The following CRTAC1 variants were observed in gnomAD, a reference collection of about 807,000 sequenced individuals.
CRTAC1 encodes the protein cartilage acidic protein 1.
Under a neutral mutation model 67.8 loss-of-function variants are expected in CRTAC1, and 37 were observed. The ratio of observed to expected loss-of-function variants is 0.55; its 90% confidence interval spans 0.42 to 0.72. CRTAC1 has a LOEUF of 0.72. Among genes scored for constraint, CRTAC1 ranks in the 30% least tolerant of loss-of-function variants. The pLI is 0.00. For missense variants in CRTAC1, 780 were observed against 931.6 expected, an observed-to-expected ratio of 0.84 and a Z score of 2.12; for synonymous variants, 348 against 371.0, an observed-to-expected ratio of 0.94 and a Z score of 0.71.
At chr10:97,993,872 T>C (rs886687461) in intron 2 of CRTAC1, among the ~76,000 whole-genome samples, 1 of 152,198 alleles carries the variant, frequency 6.6e-6, no homozygotes, top group Non-Finnish European at 1.5e-5. Context: ...CTCTTTTTTT[T>C]TGAGACAGAG....
intron 11 of CRTAC1, among the ~76,000 whole-genome samples, chr10:97,889,373 T>C (rs959603953): frequency 6.7e-5 from 10 of 149,850 alleles, no homozygotes; most frequent in African/African-American, 2.0e-4. Context: ...TAAGCAGAAA[T>C]GCTTATTTTC....
chr10:97,935,470 G>C (rs1028977318), intron 3 of CRTAC1, among the ~76,000 whole-genome samples: 1 of 152,154 alleles, frequency 6.6e-6, no homozygotes. Context: ...CATAGCCTGG[G>C]AGCGGGTCAG....
Position 97,908,558 on chromosome 10 carries a change from G to T in CRTAC1, c.716-411C>A, listed in dbSNP as rs560531978. ...CTCACTTTGAGTGATACATATGCTG[G>T]TCAAGACCACTGGGTATGTCCCAGC... On this transcript the variant is annotated intron_variant, in intron 5 of 14. Transcript: ENST00000370597. Among the ~76,000 whole-genome samples, 3 of 152,328 alleles carry T rather than the reference G, an allele frequency of 2.0e-5. No individual in the cohort carries two copies. The East Asian group carries it at 5.8e-4, about 29-fold the overall frequency.
chr10:97,926,248 A>G (rs2050915862), intron 3 of CRTAC1, among the ~76,000 whole-genome samples: 1 of 152,188 alleles, frequency 6.6e-6, no homozygotes, highest in Non-Finnish European at 1.5e-5. Flanking sequence ...TCACCCTGAG[A>G]AAAGCACAGG....
intron 9 of CRTAC1, 68 bp downstream of exon 9, chr10:97,896,829 CCCGTCCCTCCCG>C: frequency 1.7e-6 from 1 of 592,210 alleles, no homozygotes; most frequent in Non-Finnish European, 3.0e-6. Context: ...GACTGGCTGC[CCCGTCCCTCCCG>C]CCCTCACCCC....
At chr10:98,017,625 C>T (rs1297032301) in intron 1 of CRTAC1, among the ~76,000 whole-genome samples, 1 of 151,952 alleles carries the variant, frequency 6.6e-6, no homozygotes, top group East Asian at 1.9e-4. Context: ...TCTCAAACTC[C>T]TGGGCTCAAG....
In CRTAC1 at chr10:98,011,131, C is replaced by A. The variant is rs1200961352; in HGVS notation, c.224+7G>T. On this transcript the variant is annotated splice_region_variant and intron_variant, in intron 2 of 14. Coordinates refer to ENST00000370597, the MANE Select transcript of CRTAC1 (RefSeq NM_018058.7). ...TATCTGTCACACTGAGGGTGGGAGG[C>A]ACTTACCCCGCCACGACGATCTCAA... 6.2e-7 allele frequency: 1 copy of A among 1,612,980 alleles called. No individual in the cohort carries two copies. The highest frequency in any genetic ancestry group is 1.1e-5 in the South Asian group (1 of 91,058).
intron 2 of CRTAC1, among the ~76,000 whole-genome samples, chr10:97,970,592 C>T (rs183283101): frequency 4.6e-5 from 7 of 152,334 alleles, no homozygotes; most frequent in East Asian, 1.9e-4. Flanking sequence ...CTCCCTCCCT[C>T]GGGTTGCCTC....
At chr10:97,892,030 T>C (rs898900214) in intron 11 of CRTAC1, among the ~76,000 whole-genome samples, 6 of 152,062 alleles carry the variant, frequency 3.9e-5, no homozygotes, top group South Asian at 2.1e-4. Flanking sequence ...CAAGAACAAA[T>C]CCCAGGGCCT....
intron 14 of CRTAC1, chr10:97,871,102 G>C (rs1302511518): frequency 6.6e-6 from 1 of 152,154 alleles, no homozygotes; most frequent in Non-Finnish European, 1.5e-5. Context: ...GAGCCTTCTC[G>C]GGCGACTTCT....
In CRTAC1 at chr10:97,919,228, A is replaced by G. The variant is rs190282522; in HGVS notation, c.559-1572T>C. 1.5e-3 allele frequency among the ~76,000 whole-genome samples: 234 copies of G among 152,312 alleles called. 1 individual carries two copies. The highest frequency in any genetic ancestry group is 5.6e-3 in the African/African-American group (231 of 41,560). ...CCTGGGTGACACAGATGTATCAACAATGATACAAGCATATGGCAGAGAACA... is the reference window on the plus strand; with the variant it reads ...CCTGGGTGACACAGATGTATCAACAGTGATACAAGCATATGGCAGAGAACA... On this transcript the variant is annotated intron_variant, in intron 4 of 14. Transcript: ENST00000370597.
chr10:97,929,593 C>G (rs1449249253), intron 3 of CRTAC1, among the ~76,000 whole-genome samples: 1 of 152,188 alleles, frequency 6.6e-6, no homozygotes. Context: ...AAGTAGCCAG[C>G]AACCCTCCCT....
At chr10:97,952,756 A>T (rs2051378582) in intron 2 of CRTAC1, among the ~76,000 whole-genome samples, 1 of 152,160 alleles carries the variant, frequency 6.6e-6, no homozygotes, top group Non-Finnish European at 1.5e-5. Flanking sequence ...TCTAGTACAA[A>T]AAAGACTTGC....
chr10:97,992,373 A>G (rs897461143), intron 2 of CRTAC1, among the ~76,000 whole-genome samples: 9 of 152,236 alleles, frequency 5.9e-5, no homozygotes, highest in African/African-American at 2.2e-4. Context: ...CTAATTATGG[A>G]AAACCGTATG....
At chr10:97,908,527 C>T (rs1426278254) in intron 5 of CRTAC1, among the ~76,000 whole-genome samples, 1 of 152,186 alleles carries the variant, frequency 6.6e-6, no homozygotes, top group Non-Finnish European at 1.5e-5. Flanking sequence ...CAACAGACTC[C>T]CGACTCTCAC....
At chr10:97,911,482 C>T (rs2050687646) in intron 5 of CRTAC1, among the ~76,000 whole-genome samples, 1 of 152,228 alleles carries the variant, frequency 6.6e-6, no homozygotes, top group South Asian at 2.1e-4. Flanking sequence ...ACCCACACCT[C>T]CTTCTCGGCA....
At chr10:97,959,205 G>A (rs186957032) in intron 2 of CRTAC1, among the ~76,000 whole-genome samples, 4 of 152,162 alleles carry the variant, frequency 2.6e-5, no homozygotes, top group East Asian at 3.9e-4. Context: ...TTCATTGGGA[G>A]GACACACAAA....
At chr10:98,021,583 A>G (rs1286962228) in intron 1 of CRTAC1, among the ~76,000 whole-genome samples, 1 of 152,214 alleles carries the variant, frequency 6.6e-6, no homozygotes, top group Non-Finnish European at 1.5e-5. Flanking sequence ...GGTTGCCATG[A>G]GAATGAAATG....
rs537845895 is a variant in CRTAC1, at chr10:97,945,748, T to C, written c.225-9382A>G. ...GGAGAAGACTCCACAAATAGAGTGC[T>C]CTACTGAAGAAGGTAACTTTAAGAA... On this transcript the variant is annotated intron_variant, in intron 2 of 14. Transcript: ENST00000370597. Among the ~76,000 whole-genome samples the C allele has an allele frequency of 4.1e-4, 63 of 152,302 alleles. 1 individual carries two copies. Among genetic ancestry groups the C allele is most frequent in the African/African-American group, 1.5e-3 (63 of 41,572 alleles).
Sources: gnomAD v4.1 joint callset for allele counts (sites outside exome capture counted in the v4.1 genomes callset) on GRCh38, gnomAD v4.1.1 for gene constraint, MANE v1.5 for transcripts, NCBI Gene and HGNC (gene_info 2026-07-23, HGNC 2026-07-21) for gene names.